Variants in BRAF observed in about 807,000 individuals in gnomAD.
The protein encoded by BRAF is serine/threonine-protein kinase B-raf.
A neutral mutation model predicts 104.6 loss-of-function variants in BRAF; 16 were observed. The observed-to-expected ratio is 0.15, with a 90% CI of 0.10 to 0.23. BRAF has a LOEUF of 0.23. Ranked by LOEUF, BRAF falls within the 10% of genes least tolerant of loss-of-function variation. The pLI is 1.00. For missense variants in BRAF, 541 were observed against 937.3 expected, an observed-to-expected ratio of 0.58 and a Z score of 5.52; for synonymous variants, 310 against 341.6, an observed-to-expected ratio of 0.91 and a Z score of 1.02.
intron 1 of BRAF, among the ~76,000 whole-genome samples, chr7:140,862,263 G>A (rs1008830644): frequency 6.6e-6 from 1 of 152,110 alleles, no homozygotes; most frequent in Admixed American, 6.5e-5. Flanking sequence ...AACAGAAGTA[G>A]TATTGATAAA....
At chr7:140,819,090 A>G (rs897953258) in intron 3 of BRAF, among the ~76,000 whole-genome samples, 1 of 152,166 alleles carries the variant, frequency 6.6e-6, no homozygotes, top group African/African-American at 2.4e-5. Context: ...TCCCATCTCT[A>G]GAGGAAATAA....
rs1478092659 is a variant in BRAF, at chr7:140,777,101, A to T, written c.1638-13T>A. On this transcript the variant is annotated splice_polypyrimidine_tract_variant and intron_variant, in intron 13 of 19. Coordinates refer to ENST00000644969, the MANE Select transcript of BRAF (RefSeq NM_001374258.1). ...ATGTCGTGTTTTCCTGTACAAAGAA[A>T]TGTGACAGTAAACATTAAATGTCGA... The T allele has an allele frequency of 6.2e-7, 1 of 1,612,752 alleles. No homozygotes were observed. Among genetic ancestry groups the T allele is most frequent in the Admixed American group, 1.7e-5 (1 of 59,988 alleles).
At chr7:140,914,523 T>C (rs984676605) in intron 1 of BRAF, among the ~76,000 whole-genome samples, 2 of 152,228 alleles carry the variant, frequency 1.3e-5, no homozygotes, top group Non-Finnish European at 2.9e-5. Flanking sequence ...CTATTTGATG[T>C]TCTCTGACAC....
At chr7:140,826,841 G>A (rs1289603603) in intron 3 of BRAF, among the ~76,000 whole-genome samples, 1 of 152,152 alleles carries the variant, frequency 6.6e-6, no homozygotes. Flanking sequence ...ATAACAATAT[G>A]TAGTATTCAA....
chr7:140,772,050 G>A (rs1799888620), intron 14 of BRAF, among the ~76,000 whole-genome samples: 2 of 152,120 alleles, frequency 1.3e-5, no homozygotes, highest in Admixed American at 1.3e-4. Flanking sequence ...AGGTATGTAA[G>A]GAATTCCATC....
chr7:140,834,316 C>G, intron 3 of BRAF: 1 of 543,000 alleles, frequency 1.8e-6, no homozygotes, highest in Non-Finnish European at 3.3e-6. Flanking sequence ...AATGAACAAG[C>G]TCAAGTCTTA....
chr7:140,842,510 A>G (rs1234663958), intron 2 of BRAF, among the ~76,000 whole-genome samples: 1 of 152,202 alleles, frequency 6.6e-6, no homozygotes, highest in Non-Finnish European at 1.5e-5. Context: ...TTACAGAGAC[A>G]GTATCCCTTC....
At position 140,867,323 on chromosome 7, in the gene BRAF, C is replaced by T. The variant is rs189397034; in HGVS notation, c.139-17111G>A. 7.7e-3 allele frequency among the ~76,000 whole-genome samples: 1,167 copies of T among 152,254 alleles called. 18 individuals carry two copies. Among genetic ancestry groups the T allele is most frequent in the African/African-American group, 0.027 (1,103 of 41,540 alleles). On this transcript the variant is annotated intron_variant, in intron 1 of 19. Coordinates refer to ENST00000644969, the MANE Select transcript of BRAF (RefSeq NM_001374258.1). The stretch of plus-strand genomic sequence containing the variant: ...ATCATTAGGTATTCTAATCAAAAGA[C>T]TGACACTTTATACATGCCATAGCAT...
At chr7:140,820,924 C>A (rs1207282036) in intron 3 of BRAF, among the ~76,000 whole-genome samples, 1 of 152,124 alleles carries the variant, frequency 6.6e-6, no homozygotes, top group African/African-American at 2.4e-5. Context: ...GACTCACTCT[C>A]AAAAAATAAA....
rs555229044 is a variant in BRAF, at chr7:140,747,410, C to A, written c.2112+1877G>T. On this transcript the variant is annotated intron_variant, in intron 17 of 19. Coordinates refer to ENST00000644969, the MANE Select transcript of BRAF (RefSeq NM_001374258.1). ...TCCTCTCATGGAGAGTAAGCCCTTG[C>A]CACATCATTTATTATACTCCCATGG... is the stretch of plus-strand genomic sequence containing the variant. The A allele has an allele frequency of 1.6e-3, 2,027 of 1,288,180 alleles. 6 individuals are homozygous for A. Among genetic ancestry groups the A allele is most frequent in the Non-Finnish European group, 2.0e-3 (1,951 of 988,128 alleles). The allele number at this position is 1,288,180 out of a possible 1,614,324, so 79.8% of individuals were successfully genotyped here.
intron 14 of BRAF, among the ~76,000 whole-genome samples, chr7:140,755,003 A>ATT (rs1318731921): frequency 6.6e-6 from 1 of 152,148 alleles, no homozygotes; most frequent in Non-Finnish European, 1.5e-5. Context: ...ATTGAAGTAA[A>ATT]AGGCAGCATT....
intron 1 of BRAF, among the ~76,000 whole-genome samples, chr7:140,877,857 C>T (rs962570654): frequency 1.3e-5 from 2 of 151,960 alleles, no homozygotes; most frequent in African/African-American, 4.8e-5. Flanking sequence ...ATAATCTGAA[C>T]ACTCTTGTAA....
In BRAF at chr7:140,924,876, C is replaced by T. The variant is rs71645934; in HGVS notation, c.-173G>A. 605 of 197,718 alleles carry T rather than the reference C, an allele frequency of 3.1e-3. 3 individuals carry two copies. Among genetic ancestry groups the T allele is most frequent in the Middle Eastern group, 5.2e-3 (3 of 582 alleles). The allele number at this position is 197,718 out of a possible 1,614,324, so 12.2% of individuals were successfully genotyped here. Reference sequence around the variant, plus strand: ...CGGGCGGAGGGCGCCTGGGCCACCTCAGGTACCGGCCCGCGGCCCCGGGCG... The same window carrying T: ...CGGGCGGAGGGCGCCTGGGCCACCTTAGGTACCGGCCCGCGGCCCCGGGCG... On this transcript the variant is annotated 5_prime_UTR_variant, in exon 1 of 20. Coordinates refer to ENST00000644969, the MANE Select transcript of BRAF (RefSeq NM_001374258.1). The surrounding 1 kb of genome is among the most constrained non-coding windows in gnomAD (Gnocchi z 4.2).
chr7:140,826,423 CTTAGA>C (rs924077425), intron 3 of BRAF, among the ~76,000 whole-genome samples: 1 of 152,100 alleles, frequency 6.6e-6, no homozygotes, highest in Non-Finnish European at 1.5e-5. Context: ...TCGAAATTTT[CTTAGA>C]TTCTAAGATT....
chr7:140,751,339 A>C (rs1030270971), intron 16 of BRAF, among the ~76,000 whole-genome samples: 1 of 152,148 alleles, frequency 6.6e-6, no homozygotes, highest in African/African-American at 2.4e-5. Context: ...AATTGTTTAT[A>C]ATTTTAGGTT....
At chr7:140,892,376 T>A (rs1205411341) in intron 1 of BRAF, among the ~76,000 whole-genome samples, 1 of 152,222 alleles carries the variant, frequency 6.6e-6, no homozygotes, top group African/African-American at 2.4e-5. Context: ...GTACAGGGTA[T>A]CACCTGCTTG....
At chr7:140,857,316 C>T (rs962287670) in intron 1 of BRAF, among the ~76,000 whole-genome samples, 2 of 152,124 alleles carry the variant, frequency 1.3e-5, no homozygotes, top group Non-Finnish European at 2.9e-5. Context: ...CTGGAAAAGG[C>T]AAGAAATCAG....
chr7:140,741,637 T>C (rs1353616583), intron 17 of BRAF: 1 of 152,198 alleles, frequency 6.6e-6, no homozygotes, highest in Non-Finnish European at 1.5e-5. Flanking sequence ...GCAGAGAGAT[T>C]GTGACTCATA....
intron 13 of BRAF, among the ~76,000 whole-genome samples, 164 bp downstream of exon 12, chr7:140,777,827 T>A (rs1409587979): frequency 6.6e-6 from 1 of 152,208 alleles, no homozygotes; most frequent in Non-Finnish European, 1.5e-5. Flanking sequence ...GCATACTACT[T>A]AAAAGAATGT....
Sources: allele counts gnomAD v4.1 joint callset (sites outside exome capture counted in the v4.1 genomes callset), GRCh38; gene constraint gnomAD v4.1.1; non-coding constraint Gnocchi (gnomAD v3.1); transcripts MANE v1.5; gene names NCBI Gene and HGNC (gene_info 2026-07-23, HGNC 2026-07-21).